PDS5A: variants seen among roughly 807,000 people sequenced by gnomAD.
The protein encoded by PDS5A is PDS5 cohesin associated factor A.
A neutral mutation model predicts 167.1 loss-of-function variants in PDS5A; 42 were observed. That is an observed-to-expected ratio of 0.25 (90% CI 0.20 to 0.33). The LOEUF (loss-of-function observed/expected upper bound fraction) is 0.33. Ranked by LOEUF, PDS5A falls within the 10% of genes least tolerant of loss-of-function variation. The pLI is 1.00. For missense variants in PDS5A, 1,033 were observed against 1,605.9 expected, an observed-to-expected ratio of 0.64 and a Z score of 6.10; for synonymous variants, 553 against 554.6, an observed-to-expected ratio of 1.00 and a Z score of 0.04.
rs532508585 is a variant in PDS5A, at chr4:39,869,727, T to C, written c.2437-265A>G. Reference sequence around the variant, plus strand: ...TGGAATAGAGAACTCAGAAAACCCTTGCATATATGGTAATTCATTTTTGAC... The same window carrying C: ...TGGAATAGAGAACTCAGAAAACCCTCGCATATATGGTAATTCATTTTTGAC... On this transcript the variant is annotated intron_variant, in intron 21 of 32. Coordinates refer to ENST00000303538, the MANE Select transcript of PDS5A (RefSeq NM_001100399.2). 2.6e-5 allele frequency among the ~76,000 whole-genome samples: 4 copies of C among 152,258 alleles called. No individual in the cohort carries two copies. The South Asian group carries it at 8.3e-4, about 32-fold the overall frequency.
intron 2 of PDS5A, among the ~76,000 whole-genome samples, chr4:39,951,696 C>T (rs541732642): frequency 6.6e-6 from 1 of 151,948 alleles, no homozygotes; most frequent in Admixed American, 6.6e-5. Context: ...GTCAGGAGAT[C>T]TAGACCATCC....
At chr4:39,873,888 T>C (rs2109576026) in intron 20 of PDS5A, among the ~76,000 whole-genome samples, 1 of 151,992 alleles carries the variant, frequency 6.6e-6, no homozygotes. Context: ...TATAAAAAAA[T>C]CCAAAAATTA....
chr4:39,903,715 G>A (rs1340431818), intron 12 of PDS5A, among the ~76,000 whole-genome samples: 3 of 152,040 alleles, frequency 2.0e-5, no homozygotes, highest in Middle Eastern at 3.2e-3. Flanking sequence ...AAACTGAAGC[G>A]CACAAGACCT....
chr4:39,917,923 T>C (rs1324713912), intron 7 of PDS5A, among the ~76,000 whole-genome samples: 2 of 145,846 alleles, frequency 1.4e-5, no homozygotes, highest in Non-Finnish European at 3.0e-5. Context: ...CACACGCCTG[T>C]AATCCCAGCA....
In PDS5A at chr4:39,976,532, C is replaced by T. The variant is rs1308655774; in HGVS notation, c.46G>A (p.Val16Ile). 1 of 1,613,344 alleles carries T rather than the reference C, an allele frequency of 6.2e-7. No homozygotes were observed. The highest frequency in any genetic ancestry group is 8.5e-7 in the Non-Finnish European group (1 of 1,179,390). Residue 16 changes from valine to isoleucine, a missense_variant, in exon 2 of 33, where the codon GTC (valine) becomes ATC (isoleucine). Coordinates refer to ENST00000303538, the MANE Select transcript of PDS5A (RefSeq NM_001100399.2). ...GCGATCTTCCCGTCGGCACTCACGA[C>T]GCCACAGAGGGCAGTGGCAGGCTTG... Reference protein sequence around the residue: ...QPKPATALCGVVSADGKIAYP... With the variant: ...QPKPATALCGIVSADGKIAYP...
At position 39,976,528 on chromosome 4, in the gene PDS5A, A is replaced by G. The variant is rs1052145224; in HGVS notation, c.50T>C (p.Val17Ala). Reference sequence around the variant, plus strand: ...GTAAGCGATCTTCCCGTCGGCACTCACGACGCCACAGAGGGCAGTGGCAGG... The same window carrying G: ...GTAAGCGATCTTCCCGTCGGCACTCGCGACGCCACAGAGGGCAGTGGCAGG... ...PKPATALCGV[V>A]SADGKIAYPP... The change falls in exon 2 of 33, where the codon GTG becomes GCG. Residue 17 changes from valine to alanine, a missense_variant. This residue lies in a region of PDS5A where 388 missense variants were observed against 615.1 expected (regional missense o/e 0.63). Coordinates refer to ENST00000303538, the MANE Select transcript of PDS5A (RefSeq NM_001100399.2). The G allele has an allele frequency of 5.0e-6, 8 of 1,613,292 alleles. No homozygotes were observed. The highest frequency in any genetic ancestry group is 3.3e-5 in the Admixed American group (2 of 59,990).
intron 10 of PDS5A, among the ~76,000 whole-genome samples, chr4:39,909,463 A>G (rs1217780682): frequency 6.6e-6 from 1 of 152,192 alleles, no homozygotes; most frequent in East Asian, 1.9e-4. Context: ...TTATCCTGGA[A>G]AAGTCAACTC....
intron 2 of PDS5A, among the ~76,000 whole-genome samples, chr4:39,944,545 T>G (rs1727560339): frequency 6.6e-6 from 1 of 151,778 alleles, no homozygotes; most frequent in Non-Finnish European, 1.5e-5. Flanking sequence ...ATACAAAAAC[T>G]TAGCCAGGCT....
chr4:39,869,870 G>A (rs1246481483), intron 21 of PDS5A, among the ~76,000 whole-genome samples: 1 of 152,204 alleles, frequency 6.6e-6, no homozygotes, highest in Non-Finnish European at 1.5e-5. Flanking sequence ...ACTATGGGGG[G>A]ATGAGGCAGG....
chr4:39,970,188 CAAAT>C (rs1730370088), intron 2 of PDS5A, among the ~76,000 whole-genome samples: 1 of 151,754 alleles, frequency 6.6e-6, no homozygotes, highest in Admixed American at 6.6e-5. Context: ...TAAGAAGTAA[CAAAT>C]GAATGACAAA....
chr4:39,860,293 G>T (rs1338857281), intron 26 of PDS5A, among the ~76,000 whole-genome samples: 5 of 151,418 alleles, frequency 3.3e-5, no homozygotes. Context: ...GGTGAAAACT[G>T]GTCTCTACTA....
chr4:39,926,704 C>T, intron 4 of PDS5A, 71 bp downstream of exon 4: 1 of 1,056,948 alleles, frequency 9.5e-7, no homozygotes, highest in Non-Finnish European at 1.3e-6. Context: ...TTTTACATTA[C>T]AAAGTTAACA....
At chr4:39,919,760 T>C (rs956205465) in intron 7 of PDS5A, among the ~76,000 whole-genome samples, 6 of 152,188 alleles carry the variant, frequency 3.9e-5, no homozygotes, top group African/African-American at 1.4e-4. Context: ...TTCCAAATTA[T>C]TGATTTTTTT....
intron 17 of PDS5A, among the ~76,000 whole-genome samples, chr4:39,881,747 C>T (rs1175744866): frequency 6.6e-6 from 1 of 152,192 alleles, no homozygotes; most frequent in Non-Finnish European, 1.5e-5. Flanking sequence ...CTCCCCTAAA[C>T]ACTTGCCTAT....
chr4:39,866,055 T>A (rs942544692), intron 23 of PDS5A, among the ~76,000 whole-genome samples: 3 of 152,166 alleles, frequency 2.0e-5, no homozygotes, highest in Non-Finnish European at 4.4e-5. Context: ...CACACCCAAA[T>A]CTGTAGAACA....
chr4:39,875,984 T>C (rs1003112544), intron 19 of PDS5A, among the ~76,000 whole-genome samples: 1 of 152,082 alleles, frequency 6.6e-6, no homozygotes, highest in Non-Finnish European at 1.5e-5. Flanking sequence ...TTTAGCATTG[T>C]GCTTTTCTGC....
At chr4:39,956,986 T>C (rs1420611436) in intron 2 of PDS5A, among the ~76,000 whole-genome samples, 1 of 152,212 alleles carries the variant, frequency 6.6e-6, no homozygotes, top group Admixed American at 6.6e-5. Context: ...AGACATTTTC[T>C]AAATAACTTC....
At chr4:39,966,758 G>A (rs1205057355) in intron 2 of PDS5A, among the ~76,000 whole-genome samples, 4 of 152,170 alleles carry the variant, frequency 2.6e-5, no homozygotes, top group African/African-American at 7.2e-5. Flanking sequence ...AGTCCTTTGG[G>A]AGGCCAAGCT....
At chr4:39,922,543 G>A in intron 6 of PDS5A, 79 bp downstream of exon 6, 1 of 1,219,778 alleles carries the variant, frequency 8.2e-7, no homozygotes, top group Non-Finnish European at 1.1e-6. Context: ...GATTGCAAAT[G>A]GCCATAAAAC....
Sources: gnomAD v4.1 joint callset for allele counts (sites outside exome capture counted in the v4.1 genomes callset) on GRCh38, gnomAD v4.1.1 for gene constraint, gnomAD v4.1.1 regional missense constraint, MANE v1.5 for transcripts, NCBI Gene and HGNC (gene_info 2026-07-23, HGNC 2026-07-21) for gene names.